The following PCDH9 variants were observed in gnomAD, a reference collection of about 807,000 sequenced individuals.
PCDH9 encodes protocadherin 9.
PCDH9 carries 24 observed loss-of-function variants against 70.6 expected under a neutral mutation model. The ratio of observed to expected loss-of-function variants is 0.34; its 90% CI spans 0.25 to 0.48. PCDH9 has a LOEUF of 0.48. Among genes scored for constraint, PCDH9 ranks in the 20% least tolerant of loss-of-function variants. The pLI is 0.99. For synonymous variants in PCDH9, 562 were observed against 558.5 expected (o/e 1.01, Z -0.09); for missense variants, 1,281 against 1,503.6 (o/e 0.85, Z 2.45).
At chr13:67,088,179 C>A (rs540394088) in intron 2 of PCDH9, among the ~76,000 whole-genome samples, 5 of 151,696 alleles carry the variant, frequency 3.3e-5, no homozygotes, top group Admixed American at 2.0e-4. Flanking sequence ...GTGACATTTA[C>A]CTCTAGTTTT....
chr13:66,563,926 G>GT (rs201139009), intron 4 of PCDH9, among the ~76,000 whole-genome samples: 4,147 of 151,264 alleles, frequency 0.027, 88 homozygotes, highest in Non-Finnish European at 0.04. Flanking sequence ...AACGCAGGGT[G>GT]TTTTTTTTTA....
intron 3 of PCDH9, among the ~76,000 whole-genome samples, chr13:66,720,036 C>T (rs542009424): frequency 6.6e-6 from 1 of 152,240 alleles, no homozygotes; most frequent in East Asian, 1.9e-4. Flanking sequence ...TGTTGATCAC[C>T]CAGCTACCAT....
At chr13:67,022,506 C>T (rs917147531) in intron 2 of PCDH9, among the ~76,000 whole-genome samples, 1 of 152,162 alleles carries the variant, frequency 6.6e-6, no homozygotes, top group Non-Finnish European at 1.5e-5. Context: ...CACCTTGAAA[C>T]GTGAAAAATG....
At chr13:66,423,038 A>C (rs1486945968) in intron 4 of PCDH9, among the ~76,000 whole-genome samples, 1 of 152,056 alleles carries the variant, frequency 6.6e-6, no homozygotes, top group African/African-American at 2.4e-5. Context: ...CCTCTACACA[A>C]AATAAACTAG....
At chr13:66,566,456 T>C (rs2076653881) in intron 4 of PCDH9, among the ~76,000 whole-genome samples, 1 of 152,196 alleles carries the variant, frequency 6.6e-6, no homozygotes, top group South Asian at 2.1e-4. Context: ...TATATATATA[T>C]GTGCCTTGCC....
intron 2 of PCDH9, among the ~76,000 whole-genome samples, chr13:67,144,147 A>G (rs2087465007): frequency 6.6e-6 from 1 of 152,176 alleles, no homozygotes; most frequent in Admixed American, 6.6e-5. Flanking sequence ...AGAACTCTAG[A>G]ACAGCAATTC....
At chr13:66,463,197 T>A (rs1566345246) in intron 4 of PCDH9, among the ~76,000 whole-genome samples, 1 of 151,834 alleles carries the variant, frequency 6.6e-6, no homozygotes, top group Non-Finnish European at 1.5e-5. Flanking sequence ...ATGAAGATGA[T>A]ATCTTCATCT....
chr13:66,430,723 G>C (rs1957756571), intron 4 of PCDH9, among the ~76,000 whole-genome samples: 1 of 151,922 alleles, frequency 6.6e-6, no homozygotes, highest in South Asian at 2.1e-4. Flanking sequence ...CAGTGTCTTG[G>C]CATATTGCAC....
Position 66,798,000 on chromosome 13 carries a change from G to A in PCDH9, c.3138+105504C>T, listed in dbSNP as rs369114395. 8.9e-3 allele frequency among the ~76,000 whole-genome samples: 1,338 copies of A among 150,052 alleles called. 13 individuals carry two copies. The highest frequency in any genetic ancestry group is 0.014 in the Non-Finnish European group (913 of 67,546). ...GTGTGTGTGTAAGAAAGGGAGGGAA[G>A]AAAAATAAGAAAAAATAGGGAAAGG... On this transcript the variant is annotated intron_variant, in intron 3 of 4. Coordinates refer to ENST00000377865, the MANE Select transcript of PCDH9 (RefSeq NM_203487.3).
chr13:66,662,265 G>A (rs967353207), intron 3 of PCDH9, among the ~76,000 whole-genome samples: 1 of 152,050 alleles, frequency 6.6e-6, no homozygotes, highest in Non-Finnish European at 1.5e-5. Context: ...CTAAGGTTGG[G>A]AGTTCGAGAC....
At chr13:66,686,360 A>G (rs1016403825) in intron 3 of PCDH9, among the ~76,000 whole-genome samples, 2 of 152,122 alleles carry the variant, frequency 1.3e-5, no homozygotes, top group Non-Finnish European at 1.5e-5. Context: ...CCCTTCAGCC[A>G]TAATTGTAAG....
chr13:67,123,980 A>G (rs1400372745), intron 2 of PCDH9, among the ~76,000 whole-genome samples: 1 of 152,086 alleles, frequency 6.6e-6, no homozygotes, highest in Non-Finnish European at 1.5e-5. Flanking sequence ...TGAAGAGTTA[A>G]AGAAAGAATA....
intron 4 of PCDH9, among the ~76,000 whole-genome samples, chr13:66,532,573 T>C (rs4883779): frequency 0.56 from 84,965 of 151,852 alleles, 23,998 homozygotes; most frequent in East Asian, 0.67. Flanking sequence ...TGATGTAGTC[T>C]TTCTCTGTCA....
intron 2 of PCDH9, chr13:67,216,857 C>T (rs188274894): frequency 6.6e-6 from 1 of 151,730 alleles, no homozygotes; most frequent in Admixed American, 6.6e-5. Flanking sequence ...AGTAGCCAGT[C>T]CAGGTGTGTT....
intron 1 of PCDH9, among the ~76,000 whole-genome samples, chr13:67,228,924 T>G (rs566044360): frequency 6.6e-6 from 1 of 152,332 alleles, no homozygotes; most frequent in South Asian, 2.1e-4. Context: ...TCCCTCAGTC[T>G]TTTCAGGTGC....
chr13:66,832,717 C>T (rs9540932), intron 3 of PCDH9, among the ~76,000 whole-genome samples: 7,593 of 152,028 alleles, frequency 0.05, 262 homozygotes, highest in South Asian at 0.14. Flanking sequence ...TATATTTTTC[C>T]GTGATTGGAA....
intron 3 of PCDH9, among the ~76,000 whole-genome samples, chr13:66,853,566 T>G (rs1440143708): frequency 6.6e-6 from 1 of 152,148 alleles, no homozygotes; most frequent in Non-Finnish European, 1.5e-5. Context: ...GAAACATTGT[T>G]GTAGAAGGTG....
chr13:66,708,341 G>T (rs1047251504), intron 3 of PCDH9, among the ~76,000 whole-genome samples: 3 of 151,432 alleles, frequency 2.0e-5, no homozygotes, highest in Non-Finnish European at 2.9e-5. Flanking sequence ...GAGCCACCGC[G>T]CCCGGCCCCA....
intron 2 of PCDH9, among the ~76,000 whole-genome samples, chr13:66,932,342 C>T (rs2082824835): frequency 6.6e-6 from 1 of 152,084 alleles, no homozygotes; most frequent in Non-Finnish European, 1.5e-5. Flanking sequence ...AGCCATAAAT[C>T]ACTTTGAAGA....
Sources: allele counts gnomAD v4.1 joint callset (sites outside exome capture counted in the v4.1 genomes callset), GRCh38; gene constraint gnomAD v4.1.1; transcripts MANE v1.5; gene names NCBI Gene and HGNC (gene_info 2026-07-23, HGNC 2026-07-21).